The following ZNF571 variants were observed in gnomAD, a reference collection of about 807,000 sequenced individuals.
The protein encoded by ZNF571 is zinc finger protein 571.
A neutral mutation model predicts 7.7 loss-of-function variants in ZNF571; 4 were observed. The ratio of observed to expected loss-of-function variants is 0.52; its 90% CI spans 0.25 to 1.18. ZNF571 has a LOEUF of 1.18. Ranked by LOEUF, ZNF571 falls within the 50% of genes most tolerant of loss-of-function variation. The pLI, the probability that ZNF571 is intolerant of heterozygous loss-of-function variation, is 0.14. For missense variants in ZNF571, 704 were observed against 726.9 expected (o/e 0.97, Z 0.36); for synonymous variants, 251 against 232.4 (o/e 1.08, Z -0.73).
intron 3 of ZNF571, among the ~76,000 whole-genome samples, chr19:37,578,226 C>G (rs930212325): frequency 1.3e-5 from 2 of 152,166 alleles, no homozygotes; most frequent in African/African-American, 4.8e-5. Context: ...TGGGATAGCG[C>G]TGGTCTAGAA....
intron 3 of ZNF571, chr19:37,575,567 C>T (rs1600493070): frequency 6.6e-6 from 1 of 152,200 alleles, no homozygotes; most frequent in East Asian, 1.9e-4. Flanking sequence ...ATGTGTCCCA[C>T]TTCTCGTTCT....
Position 37,564,963 on chromosome 19 carries a change from G to C in ZNF571, c.1465C>G (p.Leu489Val). The C allele has an allele frequency of 6.2e-7, 1 of 1,613,796 alleles. No individual in the cohort carries two copies. The highest frequency in any genetic ancestry group is 2.2e-5 in the East Asian group (1 of 44,864). The part of the protein sequence containing the change: ...CGKTFVRATQ[L>V]TYHQRIHTGE... The stretch of plus-strand genomic sequence containing the variant: ...GTATGAATTCTTTGATGATATGTAA[G>C]TTGTGTAGCACGTACAAAGGTCTTC... The change falls in exon 4 of 4, where the codon CTT becomes GTT. Residue 489 changes from leucine to valine, a missense_variant. Transcript: ENST00000451802.
chr19:37,574,233 C>T (rs2043167702), intron 3 of ZNF571, among the ~76,000 whole-genome samples: 2 of 152,168 alleles, frequency 1.3e-5, no homozygotes, highest in South Asian at 4.1e-4. Context: ...ATTAAAACCG[C>T]AACGTATGCT....
In ZNF571 at chr19:37,564,721, A is replaced by C; in HGVS notation, c.1707T>G (p.Arg569=). 1 of 1,613,660 alleles carries C rather than the reference A, an allele frequency of 6.2e-7. No individual in the cohort carries two copies. The highest frequency in any genetic ancestry group is 8.5e-7 in the Non-Finnish European group (1 of 1,179,652). ...TTTGATGCAGAGTAAGTTCTGAGCC[A>C]CGACTAAAGGCCCTCCCACATTCCT... ...ECKECGRAFS[R]GSELTLHQRI... Residue 569 remains arginine, a synonymous_variant, in exon 4 of 4, where the codon CGT becomes CGG. Transcript: ENST00000451802.
At chr19:37,592,133 C>G (rs2147216115) in intron 1 of ZNF571, among the ~76,000 whole-genome samples, 1 of 152,102 alleles carries the variant, frequency 6.6e-6, no homozygotes. Context: ...TGGCACATGC[C>G]TGTAATCCCA....
At chr19:37,592,374 T>A (rs572836154) in intron 1 of ZNF571, among the ~76,000 whole-genome samples, 2 of 152,312 alleles carry the variant, frequency 1.3e-5, no homozygotes, top group African/African-American at 4.8e-5. Context: ...TAGATACTTT[T>A]CTCTAATAGC....
chr19:37,588,406 A>G (rs1477823719), intron 1 of ZNF571, among the ~76,000 whole-genome samples: 1 of 152,264 alleles, frequency 6.6e-6, no homozygotes, highest in East Asian at 1.9e-4. Context: ...TATCCTCTGC[A>G]GCAACACAGA....
intron 3 of ZNF571, among the ~76,000 whole-genome samples, chr19:37,580,656 T>C (rs1182541432): frequency 6.6e-6 from 1 of 152,014 alleles, no homozygotes; most frequent in East Asian, 1.9e-4. Context: ...CCCTCAAGGG[T>C]GACTGAGCTC....
At chr19:37,570,717 A>G (rs1362865894) in intron 3 of ZNF571, among the ~76,000 whole-genome samples, 5 of 152,222 alleles carry the variant, frequency 3.3e-5, no homozygotes, top group Admixed American at 1.3e-4. Flanking sequence ...CTAAAACACC[A>G]TGGATTCATT....
chr19:37,589,893 C>A, intron 1 of ZNF571, among the ~76,000 whole-genome samples: 1 of 97,726 alleles, frequency 1.0e-5, no homozygotes, highest in East Asian at 2.3e-4. Context: ...AAAAAGCACA[C>A]TTGAATTGAA....
At position 37,568,731 on chromosome 19, in the gene ZNF571, CT is replaced by C. The variant is rs761923886; in HGVS notation, c.137-2441del. On this transcript the variant is annotated intron_variant, in intron 3 of 3. Transcript: ENST00000451802. ...AAATGTATTCAATTAAGTAGCAGCT[CT>C]TTTTATTGTCATTAAATTAATGAAA... Among the ~76,000 whole-genome samples, 6 of 152,054 alleles carry C rather than the reference CT, an allele frequency of 3.9e-5. No homozygotes were observed. In the East Asian group the frequency reaches 9.7e-4, roughly 24 times the overall value.
intron 1 of ZNF571, among the ~76,000 whole-genome samples, chr19:37,590,812 C>T (rs2043848200): frequency 1.3e-5 from 2 of 152,108 alleles, no homozygotes; most frequent in South Asian, 4.2e-4. Context: ...AATTAAGAGA[C>T]TAAAGAGGCA....
intron 2 of ZNF571, 75 bp downstream of exon 2, chr19:37,586,593 T>C (rs373003853): frequency 2.2e-4 from 347 of 1,571,856 alleles, no homozygotes; most frequent in Non-Finnish European, 2.9e-4. Context: ...AGGCAGGAAA[T>C]TCTGGGATAA....
At chr19:37,584,935 G>T in intron 2 of ZNF571, 1 of 145,292 alleles carries the variant, frequency 6.9e-6, no homozygotes, top group South Asian at 2.2e-4. Context: ...CTGCACTCCC[G>T]CCTGGGCCAC....
At chr19:37,566,968 A>G (rs1311954919) in intron 3 of ZNF571, among the ~76,000 whole-genome samples, 1 of 152,026 alleles carries the variant, frequency 6.6e-6, no homozygotes, top group Non-Finnish European at 1.5e-5. Context: ...ATCATCACTT[A>G]CCACTCCCCT....
chr19:37,579,543 A>G (rs189308138), intron 3 of ZNF571, among the ~76,000 whole-genome samples: 185 of 99,520 alleles, frequency 1.9e-3, no homozygotes, highest in African/African-American at 6.6e-3. Flanking sequence ...AGCCATATGC[A>G]GAAGAATGAA....
intron 3 of ZNF571, among the ~76,000 whole-genome samples, chr19:37,577,408 A>G (rs2043279893): frequency 6.6e-6 from 1 of 152,202 alleles, no homozygotes; most frequent in South Asian, 2.1e-4. Flanking sequence ...AATTATATTT[A>G]TTTAGACCAA....
In ZNF571 at chr19:37,587,900, T is replaced by A. The variant is rs550707831; in HGVS notation, c.-69-1155A>T. Among the ~76,000 whole-genome samples, 3 of 151,734 alleles carry A rather than the reference T, an allele frequency of 2.0e-5. No individual in the cohort carries two copies. In the East Asian group the frequency reaches 5.8e-4, roughly 29 times the overall value. Reference sequence around the variant, plus strand: ...GCCGAGGCAGGCAGATCACTTGAGGTCAGGAGTTCAAGACCAGCCTGGCCA... The same window carrying A: ...GCCGAGGCAGGCAGATCACTTGAGGACAGGAGTTCAAGACCAGCCTGGCCA... On this transcript the variant is annotated intron_variant, in intron 1 of 3. Transcript: ENST00000451802.
rs796568829 is a variant in ZNF571 at position 37,584,945 on chromosome 19, C to T, written c.10-848G>A. On this transcript the variant is annotated intron_variant, in intron 2 of 3. Transcript: ENST00000451802. ...CGCCACTGCACTCCCGCCTGGGCCA[C>T]AGAGCGAGACTCCGTCTCAAAAAAA... is the stretch of plus-strand genomic sequence containing the variant. The T allele has an allele frequency of 3.7e-5, 5 of 133,430 alleles. No individual in the cohort carries two copies. The South Asian group carries it at 1.2e-3, about 31-fold the overall frequency. The allele number at this position is 133,430 out of a possible 1,614,324, so 8.3% of individuals were successfully genotyped here.
Sources: gnomAD v4.1 joint callset for allele counts (sites outside exome capture counted in the v4.1 genomes callset) on GRCh38, gnomAD v4.1.1 for gene constraint, MANE v1.5 for transcripts, NCBI Gene and HGNC (gene_info 2026-07-23, HGNC 2026-07-21) for gene names.